The following XKR6 variants were observed in gnomAD, a reference collection of about 807,000 sequenced individuals.
XKR6 encodes XK related 6.
A neutral mutation model predicts 56.7 loss-of-function variants in XKR6; 22 were observed. The observed-to-expected ratio is 0.39, with a 90% confidence interval of 0.28 to 0.55. XKR6 has a LOEUF of 0.55. Among genes scored for constraint, XKR6 ranks in the 20% least tolerant of loss-of-function variants. The probability of loss-of-function intolerance (pLI) is 0.66; values close to 1 mark genes in which losing one functional copy is unlikely to be tolerated. For missense variants in XKR6, 852 were observed against 889.0 expected, an observed-to-expected ratio of 0.96 and a Z score of 0.53; for synonymous variants, 524 against 387.8, an observed-to-expected ratio of 1.35 and a Z score of -4.13.
intron 1 of XKR6, among the ~76,000 whole-genome samples, chr8:10,939,303 C>T (rs988270162): frequency 3.3e-5 from 5 of 152,212 alleles, no homozygotes; most frequent in African/African-American, 1.2e-4. Context: ...GCTTCTCTCC[C>T]TCCTAACGAA....
At chr8:11,190,810 G>C (rs1334504902) in intron 1 of XKR6, among the ~76,000 whole-genome samples, 1 of 152,162 alleles carries the variant, frequency 6.6e-6, no homozygotes, top group African/African-American at 2.4e-5. Flanking sequence ...TCCTCCACCA[G>C]TGCCATAGGT....
At chr8:11,126,320 C>T (rs368720542) in intron 1 of XKR6, among the ~76,000 whole-genome samples, 175 of 152,250 alleles carry the variant, frequency 1.1e-3, no homozygotes, top group African/African-American at 4.1e-3. Context: ...CCCACCTCGG[C>T]CTCCCAAAGT....
At chr8:11,141,718 G>C (rs553488851) in intron 1 of XKR6, among the ~76,000 whole-genome samples, 58 of 152,256 alleles carry the variant, frequency 3.8e-4, no homozygotes, top group African/African-American at 1.4e-3. Flanking sequence ...AGCAGCTCCT[G>C]ATGGGAGCCT....
chr8:11,137,663 G>A (rs1229386166), intron 1 of XKR6: 1 of 456,290 alleles, frequency 2.2e-6, no homozygotes, highest in Non-Finnish European at 4.4e-6. Context: ...TGTGAGCAAT[G>A]CAATGTGGAG....
At chr8:11,077,248 TG>T (rs972731563) in intron 1 of XKR6, among the ~76,000 whole-genome samples, 2 of 152,136 alleles carry the variant, frequency 1.3e-5, no homozygotes, top group Non-Finnish European at 2.9e-5. Flanking sequence ...GCAGTGGCTT[TG>T]GGGTCCAAAG....
In XKR6 at chr8:11,121,202, T is replaced by C. The variant is rs139816571; in HGVS notation, c.764+79374A>G. ...ATTGACAAATGGGATCTGTTTAAAC[T>C]AAAGAGCTTTTGCACAGCAAAAGAA... On this transcript the variant is annotated intron_variant, in intron 1 of 2. Transcript: ENST00000416569. Among the ~76,000 whole-genome samples, 1,026 of 152,158 alleles carry C rather than the reference T, an allele frequency of 6.7e-3. 10 individuals carry two copies. Among genetic ancestry groups the C allele is most frequent in the African/African-American group, 0.023 (960 of 41,528 alleles).
At chr8:11,148,602 C>G (rs1801112838) in intron 1 of XKR6, among the ~76,000 whole-genome samples, 1 of 152,218 alleles carries the variant, frequency 6.6e-6, no homozygotes, top group Non-Finnish European at 1.5e-5. Context: ...TTCAACTACT[C>G]TGGAAAACAG....
At chr8:11,156,499 A>G (rs1433935230) in intron 1 of XKR6, among the ~76,000 whole-genome samples, 1 of 152,226 alleles carries the variant, frequency 6.6e-6, no homozygotes, top group Non-Finnish European at 1.5e-5. Flanking sequence ...TGAAACACCT[A>G]AAATTGCAGG....
intron 1 of XKR6, among the ~76,000 whole-genome samples, chr8:11,065,986 A>C (rs1799967043): frequency 6.6e-6 from 1 of 152,212 alleles, no homozygotes; most frequent in Non-Finnish European, 1.5e-5. Context: ...AAAATGGCAA[A>C]GGGGTTGGGG....
chr8:11,105,073 G>C (rs1370201170), intron 1 of XKR6: 1 of 152,042 alleles, frequency 6.6e-6, no homozygotes, highest in African/African-American at 2.4e-5. Flanking sequence ...GACTGTTCTT[G>C]GACACCCTGG....
intron 2 of XKR6, among the ~76,000 whole-genome samples, chr8:10,922,928 G>A (rs368199529): frequency 2.6e-5 from 4 of 152,334 alleles, no homozygotes; most frequent in South Asian, 4.1e-4. Flanking sequence ...GCTCCTTCCA[G>A]CTCTCCTCTC....
chr8:11,003,829 G>A (rs535544660), intron 1 of XKR6, among the ~76,000 whole-genome samples: 3 of 152,342 alleles, frequency 2.0e-5, no homozygotes, highest in Admixed American at 6.5e-5. Context: ...GAAGGGTGTG[G>A]TTAATTCTGC....
rs117425525 is a variant in XKR6 at position 10,963,112 on chromosome 8, G to A, written c.765-38282C>T. ...AAGCACATCCCGCTTCTCCTCTCTC[G>A]GCGCTTCCAGGGGCAGCCAGTTCAG... On this transcript the variant is annotated intron_variant, in intron 1 of 2. Coordinates refer to ENST00000416569, the MANE Select transcript of XKR6 (RefSeq NM_173683.4). Among the ~76,000 whole-genome samples the A allele has an allele frequency of 7.1e-3, 1,084 of 152,248 alleles. 15 individuals carry two copies. Among genetic ancestry groups the A allele is most frequent in the South Asian group, 0.06 (288 of 4,818 alleles).
At chr8:11,115,077 G>A (rs926485694) in intron 1 of XKR6, among the ~76,000 whole-genome samples, 1 of 152,108 alleles carries the variant, frequency 6.6e-6, no homozygotes, top group African/African-American at 2.4e-5. Context: ...TGATGCTAAG[G>A]AGATTCCACA....
chr8:10,993,934 G>C (rs894643331), intron 1 of XKR6, among the ~76,000 whole-genome samples: 4 of 152,174 alleles, frequency 2.6e-5, no homozygotes, highest in African/African-American at 9.7e-5. Flanking sequence ...TGCAGCTGCA[G>C]ACCTGAACTC....
rs545104262 is a variant in XKR6 at position 11,143,677 on chromosome 8, G to C, written c.764+56899C>G. On this transcript the variant is annotated intron_variant, in intron 1 of 2. Coordinates refer to ENST00000416569, the MANE Select transcript of XKR6 (RefSeq NM_173683.4). ...AAATCAGAAGAGTGGTTACTTTGGA[G>C]GAAGGGAAGGGATTGTGATTAGGAT... Among the ~76,000 whole-genome samples the C allele has an allele frequency of 2.3e-3, 349 of 152,294 alleles. 1 individual carries two copies. The highest frequency in any genetic ancestry group is 3.0e-3 in the Non-Finnish European group (206 of 68,026).
intron 1 of XKR6, among the ~76,000 whole-genome samples, chr8:10,988,252 G>A (rs1479122527): frequency 1.3e-5 from 2 of 152,112 alleles, no homozygotes; most frequent in Admixed American, 1.3e-4. Flanking sequence ...TTCTTAATCT[G>A]TTTTGTTTGT....
At position 11,201,232 on chromosome 8, in the gene XKR6, TC is replaced by T; in HGVS notation, c.107del (p.Gly36GlufsTer129). 6.5e-7 allele frequency: 1 copy of T among 1,549,414 alleles called. No homozygotes were observed. Among genetic ancestry groups the T allele is most frequent in the Admixed American group, 1.9e-5 (1 of 53,976 alleles). ...CGTCGCCGCCGCCGCCGCAGCCGCC[TC>T]CCCCGGGCTCCCCGTCCTCCTCGCC... ...SGGEEDGEPG[G>X]GGCGGGGDGS... is the part of the protein sequence containing the mutation. On this transcript the variant is annotated frameshift_variant, in exon 1 of 3. Coordinates refer to ENST00000416569, the MANE Select transcript of XKR6 (RefSeq NM_173683.4). LOFTEE classifies it high-confidence loss of function.
At chr8:10,958,024 G>C (rs1801949956) in intron 1 of XKR6, among the ~76,000 whole-genome samples, 2 of 152,188 alleles carry the variant, frequency 1.3e-5, no homozygotes, top group African/African-American at 4.8e-5. Flanking sequence ...ACGTGATCTG[G>C]AAAGTGGCTT....
Sources: allele counts gnomAD v4.1 joint callset (sites outside exome capture counted in the v4.1 genomes callset), GRCh38; gene constraint gnomAD v4.1.1; transcripts MANE v1.5; gene names NCBI Gene and HGNC (gene_info 2026-07-23, HGNC 2026-07-21).